GRIA1: variants seen among roughly 807,000 people sequenced by gnomAD.
The protein encoded by GRIA1 is glutamate receptor 1.
A neutral mutation model predicts 99.2 loss-of-function variants in GRIA1; 31 were observed. That is an observed-to-expected ratio of 0.31 (90% CI 0.23 to 0.42). The LOEUF is 0.42. Among genes scored for constraint, GRIA1 ranks in the 10% least tolerant of loss-of-function variants. The probability of loss-of-function intolerance (pLI) is 1.00; values close to 1 mark genes in which losing one functional copy is unlikely to be tolerated. For missense variants in GRIA1, 782 were observed against 1,157.5 expected, an observed-to-expected ratio of 0.68 and a Z score of 4.71; for synonymous variants, 438 against 432.4, an observed-to-expected ratio of 1.01 and a Z score of -0.16.
Position 153,686,263 on chromosome 5 carries a change from T to C in GRIA1, c.1068T>C (p.Asn356=). The C allele has an allele frequency of 1.2e-6, 2 of 1,614,042 alleles. No homozygotes were observed. The highest frequency in any genetic ancestry group is 8.5e-7 in the Non-Finnish European group (1 of 1,179,900). The change falls in exon 8 of 16, where the codon AAT becomes AAC. Residue 356 remains asparagine (N), a synonymous_variant. Transcript: ENST00000285900. ...FEGLTGNVQF[N]EKGRRTNYTL... ...GTTTAACAGGAAACGTGCAGTTTAA[T>C]GAGAAAGGACGCCGGACCAACTACA...
At chr5:153,695,124 T>G (rs1170538297) in intron 8 of GRIA1, among the ~76,000 whole-genome samples, 1 of 152,184 alleles carries the variant, frequency 6.6e-6, no homozygotes, top group Non-Finnish European at 1.5e-5. Context: ...CTGCCACTAA[T>G]CTACTATATA....
At position 153,699,078 on chromosome 5, in the gene GRIA1, G is replaced by T; in HGVS notation, c.1452+5G>T. 6.2e-7 allele frequency: 1 copy of T among 1,603,004 alleles called. No homozygotes were observed. The highest frequency in any genetic ancestry group is 8.5e-7 in the Non-Finnish European group (1 of 1,170,274). On this transcript the variant is annotated splice_donor_5th_base_variant and intron_variant, in intron 10 of 15. Transcript: ENST00000285900. Reference sequence around the variant, plus strand: ...GTGGGAGAGCTGGTCTATGGAGTAAGTTCACTGCAGGGTGGGAAATTAGAG... The same window carrying T: ...GTGGGAGAGCTGGTCTATGGAGTAATTTCACTGCAGGGTGGGAAATTAGAG...
At chr5:153,645,092 G>A (rs932815840) in intron 2 of GRIA1, among the ~76,000 whole-genome samples, 26 of 152,044 alleles carry the variant, frequency 1.7e-4, no homozygotes, top group African/African-American at 5.6e-4. Flanking sequence ...CTGGCTTCTG[G>A]GTAGAGAAGT....
At chr5:153,775,126 G>T (rs1764137109) in intron 13 of GRIA1, among the ~76,000 whole-genome samples, 1 of 152,182 alleles carries the variant, frequency 6.6e-6, no homozygotes, top group Non-Finnish European at 1.5e-5. Flanking sequence ...CCCTTTTGGT[G>T]CCAACTTAAT....
intron 5 of GRIA1, among the ~76,000 whole-genome samples, chr5:153,668,297 T>G (rs1755895388): frequency 2.0e-5 from 3 of 152,220 alleles, no homozygotes; most frequent in Admixed American, 6.5e-5. Flanking sequence ...TCCAAAATCT[T>G]TGCTCCTGTA....
chr5:153,613,193 A>C (rs1393727200), intron 2 of GRIA1, among the ~76,000 whole-genome samples: 1 of 149,788 alleles, frequency 6.7e-6, no homozygotes, highest in East Asian at 1.9e-4. Flanking sequence ...TTTGATTTCC[A>C]CTGAACGGCT....
intron 2 of GRIA1, among the ~76,000 whole-genome samples, chr5:153,544,457 C>T (rs1383441851): frequency 6.6e-6 from 1 of 152,138 alleles, no homozygotes; most frequent in Non-Finnish European, 1.5e-5. Flanking sequence ...GGGAGGTTCT[C>T]CCCACATCAA....
At chr5:153,798,611 G>C (rs1319248060) in intron 14 of GRIA1, among the ~76,000 whole-genome samples, 1 of 152,334 alleles carries the variant, frequency 6.6e-6, no homozygotes, top group East Asian at 1.9e-4. Flanking sequence ...GAAGTTAGCA[G>C]GTCTTGATGG....
At chr5:153,651,908 C>T (rs1014546545) in intron 4 of GRIA1, among the ~76,000 whole-genome samples, 1 of 152,128 alleles carries the variant, frequency 6.6e-6, no homozygotes, top group Non-Finnish European at 1.5e-5. Context: ...AATCCCAGCT[C>T]TAGTATTTAC....
chr5:153,668,317 AG>A (rs1195976244), intron 5 of GRIA1, among the ~76,000 whole-genome samples: 2 of 152,216 alleles, frequency 1.3e-5, no homozygotes, highest in Non-Finnish European at 2.9e-5. Flanking sequence ...ATAGGTCAAA[AG>A]TCAGCAAACT....
chr5:153,798,675 C>T (rs1765797344), intron 14 of GRIA1, among the ~76,000 whole-genome samples: 1 of 152,170 alleles, frequency 6.6e-6, no homozygotes, highest in Admixed American at 6.5e-5. Flanking sequence ...AAAGCCTTGG[C>T]TTCTCCCTAG....
At chr5:153,737,867 G>C (rs930391429) in intron 11 of GRIA1, among the ~76,000 whole-genome samples, 4 of 152,114 alleles carry the variant, frequency 2.6e-5, no homozygotes, top group African/African-American at 7.2e-5. Context: ...AATATACCAG[G>C]TACCTCGCCT....
At position 153,603,963 on chromosome 5, in the gene GRIA1, A is replaced by G. The variant is rs1440877760; in HGVS notation, c.221-42965A>G. 2.0e-5 allele frequency among the ~76,000 whole-genome samples: 3 copies of G among 152,230 alleles called. No individual in the cohort carries two copies. In the East Asian group the frequency reaches 5.8e-4, roughly 29 times the overall value. On this transcript the variant is annotated intron_variant, in intron 2 of 15. Coordinates refer to ENST00000285900, the MANE Select transcript of GRIA1 (RefSeq NM_000827.4). ...GGTAATACTATTACTATACATATACATGTATTTTACATACCTATATATATT... is the reference window on the plus strand; with the variant it reads ...GGTAATACTATTACTATACATATACGTGTATTTTACATACCTATATATATT...
In GRIA1 at chr5:153,721,246, G is replaced by A. The variant is rs1416056591; in HGVS notation, c.1823+15179G>A. Among the ~76,000 whole-genome samples, 4 of 152,106 alleles carry A rather than the reference G, an allele frequency of 2.6e-5. No homozygotes were observed. The East Asian group carries it at 7.7e-4, about 29-fold the overall frequency. ...CTTCAACCTCTTTTTTTACTTAATG[G>A]ACTCTTTCCTCTTAAATTTAAGATA... On this transcript the variant is annotated intron_variant, in intron 11 of 15. Transcript: ENST00000285900.
At chr5:153,739,312 C>T (rs943464202) in intron 11 of GRIA1, among the ~76,000 whole-genome samples, 4 of 152,138 alleles carry the variant, frequency 2.6e-5, no homozygotes, top group African/African-American at 9.7e-5. Flanking sequence ...ATTTTCTCTG[C>T]CTGTAACAAC....
intron 4 of GRIA1, among the ~76,000 whole-genome samples, chr5:153,652,606 G>A (rs1754656353): frequency 1.3e-5 from 2 of 152,148 alleles, no homozygotes; most frequent in Admixed American, 1.3e-4. Context: ...CTCTCTCAAA[G>A]GGCAAACTTG....
At position 153,667,427 on chromosome 5, in the gene GRIA1, G is replaced by C. The variant is rs566643439; in HGVS notation, c.700-7073G>C. 5.9e-5 allele frequency among the ~76,000 whole-genome samples: 9 copies of C among 152,256 alleles called. No homozygotes were observed. In the South Asian group the frequency reaches 1.9e-3, roughly 32 times the overall value. Reference sequence around the variant, plus strand: ...TCGATAGCTATGTTCCTATACACCTGCTTCATGTTCTCTCAGGCTTCTTGC... The same window carrying C: ...TCGATAGCTATGTTCCTATACACCTCCTTCATGTTCTCTCAGGCTTCTTGC... On this transcript the variant is annotated intron_variant, in intron 5 of 15. Transcript: ENST00000285900.
At chr5:153,794,473 C>T (rs1765513084) in intron 13 of GRIA1, 148 bp from the exon 14 acceptor site, 1 of 649,948 alleles carries the variant, frequency 1.5e-6, no homozygotes, top group Non-Finnish European at 2.8e-6. Context: ...CCAATTCCTG[C>T]AGTGATGTTG....
intron 6 of GRIA1, among the ~76,000 whole-genome samples, chr5:153,675,134 T>C (rs544781683): frequency 1.3e-5 from 2 of 152,362 alleles, no homozygotes; most frequent in South Asian, 4.1e-4. Flanking sequence ...TCATATGCTA[T>C]TGATCGTATC....
Sources: allele counts gnomAD v4.1 joint callset (sites outside exome capture counted in the v4.1 genomes callset), GRCh38; gene constraint gnomAD v4.1.1; transcripts MANE v1.5; gene names NCBI Gene and HGNC (gene_info 2026-07-23, HGNC 2026-07-21).